Variants in KCNMB2 observed in about 807,000 individuals in gnomAD.
KCNMB2 encodes the protein potassium calcium-activated channel subfamily M regulatory beta subunit 2.
In KCNMB2, 9 loss-of-function variants were observed where a neutral mutation model predicts 24.5. The observed-to-expected ratio is 0.37, with a 90% CI of 0.22 to 0.64. The LOEUF (loss-of-function observed/expected upper bound fraction) is 0.64. KCNMB2 is among the 30% of genes least tolerant of loss of function. KCNMB2 has a pLI of 0.63. For missense variants in KCNMB2, 226 were observed against 284.3 expected, an observed-to-expected ratio of 0.79 and a Z score of 1.47; for synonymous variants, 109 against 104.4, an observed-to-expected ratio of 1.04 and a Z score of -0.27.
intron 1 of KCNMB2, among the ~76,000 whole-genome samples, chr3:178,596,197 C>A (rs1306358265): frequency 6.6e-6 from 1 of 152,070 alleles, no homozygotes; most frequent in African/African-American, 2.4e-5. Flanking sequence ...TTTCTGAGTC[C>A]TACTCACACA....
At chr3:178,760,979 C>T (rs1219411330) in intron 1 of KCNMB2, among the ~76,000 whole-genome samples, 1 of 152,060 alleles carries the variant, frequency 6.6e-6, no homozygotes, top group African/African-American at 2.4e-5. Flanking sequence ...CAATTCTGGG[C>T]TCTAGGGCCT....
At chr3:178,550,178 C>T (rs1385236542) in intron 1 of KCNMB2, among the ~76,000 whole-genome samples, 1 of 151,916 alleles carries the variant, frequency 6.6e-6, no homozygotes, top group Non-Finnish European at 1.5e-5. Context: ...CGGCCAGGCA[C>T]AGTGGCTCAC....
At chr3:178,536,931 T>C (rs1715430084) in intron 1 of KCNMB2, among the ~76,000 whole-genome samples, 1 of 152,158 alleles carries the variant, frequency 6.6e-6, no homozygotes, top group South Asian at 2.1e-4. Context: ...GGCTTACAGC[T>C]TGCTGAGTGT....
rs571727643 is a variant in KCNMB2, at chr3:178,638,846, T to G, written c.-68+102135T>G. Among the ~76,000 whole-genome samples, 3 of 152,352 alleles carry G rather than the reference T, an allele frequency of 2.0e-5. No homozygotes were observed. In the South Asian group the frequency reaches 6.2e-4, roughly 32 times the overall value. On this transcript the variant is annotated intron_variant, in intron 1 of 4. Transcript: ENST00000452583. ...TTGTAGACTTCTTTCATACAAGCCT[T>G]TTAAAATAGCATTAGTCAATCATTT...
intron 1 of KCNMB2, among the ~76,000 whole-genome samples, chr3:178,659,509 T>G (rs1200722093): frequency 2.6e-5 from 4 of 152,222 alleles, no homozygotes; most frequent in African/African-American, 4.8e-5. Flanking sequence ...CCATGATATA[T>G]TTTCTGGTAC....
intron 1 of KCNMB2, among the ~76,000 whole-genome samples, chr3:178,643,398 C>T (rs532084746): frequency 3.3e-5 from 5 of 152,204 alleles, no homozygotes; most frequent in African/African-American, 7.2e-5. Context: ...CCTATATATA[C>T]ACACACATAC....
intron 1 of KCNMB2, among the ~76,000 whole-genome samples, chr3:178,566,142 A>G (rs1716508618): frequency 6.6e-6 from 1 of 152,200 alleles, no homozygotes; most frequent in Non-Finnish European, 1.5e-5. Context: ...CGTCTAAGTA[A>G]TAACACTTAG....
intron 1 of KCNMB2, among the ~76,000 whole-genome samples, chr3:178,785,477 CAT>C (rs1713064496): frequency 6.6e-6 from 1 of 151,656 alleles, no homozygotes; most frequent in Admixed American, 6.6e-5. Flanking sequence ...TCAAATATAA[CAT>C]GACAAATAAT....
At chr3:178,635,648 T>C (rs1210933532) in intron 1 of KCNMB2, among the ~76,000 whole-genome samples, 1 of 152,232 alleles carries the variant, frequency 6.6e-6, no homozygotes, top group African/African-American at 2.4e-5. Context: ...TTCTGTGTCA[T>C]AGTCCTTCTT....
intron 1 of KCNMB2, among the ~76,000 whole-genome samples, chr3:178,781,543 G>A (rs1449698945): frequency 6.6e-6 from 1 of 152,060 alleles, no homozygotes; most frequent in African/African-American, 2.4e-5. Flanking sequence ...AGTAAGCCAA[G>A]ATTGTGCCAC....
At chr3:178,718,922 C>T (rs932985367) in intron 1 of KCNMB2, among the ~76,000 whole-genome samples, 1 of 152,164 alleles carries the variant, frequency 6.6e-6, no homozygotes, top group Admixed American at 6.5e-5. Context: ...TCTATCCCAT[C>T]ACAGAAGCAG....
chr3:178,585,117 C>T (rs192945064), intron 1 of KCNMB2, among the ~76,000 whole-genome samples: 44 of 152,344 alleles, frequency 2.9e-4, no homozygotes, highest in Admixed American at 2.5e-3. Context: ...GGACAGAATC[C>T]TCTTTCCTTC....
rs187317713 is a variant in KCNMB2 at position 178,689,328 on chromosome 3, A to G, written c.-67-118015A>G. On this transcript the variant is annotated intron_variant, in intron 1 of 4. Coordinates refer to ENST00000452583, the MANE Select transcript of KCNMB2 (RefSeq NM_181361.3). ...GTGTTACCAGCTAGAACCGCCTTGC[A>G]TTTGTATAGCATCTTAGAAGTTATA... Among the ~76,000 whole-genome samples, 108 of 152,232 alleles carry G rather than the reference A, an allele frequency of 7.1e-4. 1 individual carries two copies. Among genetic ancestry groups the G allele is most frequent in the Non-Finnish European group, 5.1e-4 (35 of 68,014 alleles).
chr3:178,763,815 T>C (rs145117268), intron 1 of KCNMB2, among the ~76,000 whole-genome samples: 84 of 152,320 alleles, frequency 5.5e-4, no homozygotes, highest in African/African-American at 1.9e-3. Context: ...TATACTTCTG[T>C]CATTTACTGG....
chr3:178,586,330 G>GA (rs1344992989), intron 1 of KCNMB2, among the ~76,000 whole-genome samples: 14 of 149,680 alleles, frequency 9.4e-5, no homozygotes, highest in Non-Finnish European at 1.6e-4. Flanking sequence ...CACTGGACAG[G>GA]AAAAAAAAAG....
chr3:178,590,895 TTC>T (rs1325117956), intron 1 of KCNMB2, among the ~76,000 whole-genome samples: 1 of 152,184 alleles, frequency 6.6e-6, no homozygotes, highest in African/African-American at 2.4e-5. Flanking sequence ...GACTGGTAAA[TTC>T]TTTTTCCCCC....
In KCNMB2 at chr3:178,709,513, C is replaced by T. The variant is rs1390643642; in HGVS notation, c.-67-97830C>T. Reference sequence around the variant, plus strand: ...TCAGTGCTAGGTCAATAGCAAAAGACGGGTTAACACAATGTGGATTTTTTA... The same window carrying T: ...TCAGTGCTAGGTCAATAGCAAAAGATGGGTTAACACAATGTGGATTTTTTA... On this transcript the variant is annotated intron_variant, in intron 1 of 4. Coordinates refer to ENST00000452583, the MANE Select transcript of KCNMB2 (RefSeq NM_181361.3). 3.3e-5 allele frequency among the ~76,000 whole-genome samples: 5 copies of T among 152,100 alleles called. No individual in the cohort carries two copies. In the South Asian group the frequency reaches 6.2e-4, roughly 19 times the overall value.
chr3:178,633,699 T>G (rs940376973), intron 1 of KCNMB2, among the ~76,000 whole-genome samples: 4 of 152,236 alleles, frequency 2.6e-5, no homozygotes, highest in Non-Finnish European at 5.9e-5. Flanking sequence ...CCTGGAGACA[T>G]TTTCCCCATT....
At position 178,655,110 on chromosome 3, in the gene KCNMB2, CT is replaced by C. The variant is rs1560150627; in HGVS notation, c.-68+118400del. Among the ~76,000 whole-genome samples, 280 of 146,930 alleles carry C rather than the reference CT, an allele frequency of 1.9e-3. 2 individuals carry two copies. Among genetic ancestry groups the C allele is most frequent in the African/African-American group, 7.0e-3 (270 of 38,442 alleles). ...ATTAGCTCTCCCTCTCTCTCTCTCT[CT>C]CTCTCTCTCTCTCTCTCTCTCTCTC... On this transcript the variant is annotated intron_variant, in intron 1 of 4. Coordinates refer to ENST00000452583, the MANE Select transcript of KCNMB2 (RefSeq NM_181361.3).
Sources: allele counts gnomAD v4.1 joint callset (sites outside exome capture counted in the v4.1 genomes callset), GRCh38; gene constraint gnomAD v4.1.1; transcripts MANE v1.5; gene names NCBI Gene and HGNC (gene_info 2026-07-23, HGNC 2026-07-21).